Variants in KSR2 observed in about 807,000 individuals in gnomAD.
The protein encoded by KSR2 is kinase suppressor of ras 2.
A neutral mutation model predicts 107.8 loss-of-function variants in KSR2; 25 were observed. The observed-to-expected ratio is 0.23, with a 90% CI of 0.17 to 0.32. The LOEUF (loss-of-function observed/expected upper bound fraction) is 0.32, where lower values mean the gene tolerates loss of function less well. Ranked by LOEUF, KSR2 falls within the 10% of genes least tolerant of loss-of-function variation. The pLI is 1.00. For synonymous variants in KSR2, 480 were observed against 507.0 expected, an observed-to-expected ratio of 0.95 and a Z score of 0.71; for missense variants, 887 against 1,268.9, an observed-to-expected ratio of 0.70 and a Z score of 4.57.
chr12:117,773,822 G>A (rs1013185168), intron 3 of KSR2, among the ~76,000 whole-genome samples: 1 of 152,178 alleles, frequency 6.6e-6, no homozygotes, highest in South Asian at 2.1e-4. Context: ...CAGGAAAAGC[G>A]AAGTACAATA....
Position 117,848,834 on chromosome 12 carries a change from AGTGGTGG to A in KSR2, c.472+6587_472+6593del, listed in dbSNP as rs1892807370. On this transcript the variant is annotated intron_variant, in intron 3 of 19. Coordinates refer to ENST00000339824, the MANE Select transcript of KSR2 (RefSeq NM_173598.6). Reference sequence around the variant, plus strand: ...GATGGTGGTGGGTGGTGATGGTGGTAGTGGTGGTGATGGTGATGATGGTGATGATGGT... The same window carrying A: ...GATGGTGGTGGGTGGTGATGGTGGTATGATGGTGATGATGGTGATGATGGT... 1.3e-3 allele frequency among the ~76,000 whole-genome samples: 176 copies of A among 133,814 alleles called. 2 individuals are homozygous for A. The highest frequency in any genetic ancestry group is 2.1e-3 in the Non-Finnish European group (127 of 59,738). 87.8% of individuals were successfully genotyped at this position (133,814 alleles called of 152,430 possible).
chr12:117,839,124 T>C (rs990814329), intron 3 of KSR2, among the ~76,000 whole-genome samples: 11 of 152,230 alleles, frequency 7.2e-5, no homozygotes, highest in Admixed American at 2.0e-4. Flanking sequence ...ATCTCATTCC[T>C]GATACACAGA....
chr12:117,803,130 T>C (rs927974545), intron 3 of KSR2, among the ~76,000 whole-genome samples: 3 of 152,122 alleles, frequency 2.0e-5, no homozygotes, highest in Non-Finnish European at 2.9e-5. Flanking sequence ...GCCGAAACAA[T>C]GTACAGAGTT....
At chr12:117,664,724 T>C (rs960619238) in intron 5 of KSR2, among the ~76,000 whole-genome samples, 6 of 152,132 alleles carry the variant, frequency 3.9e-5, no homozygotes, top group East Asian at 1.9e-4. Context: ...ACTTGCCGCA[T>C]TGAAGTGATA....
intron 12 of KSR2, among the ~76,000 whole-genome samples, chr12:117,529,009 C>T (rs751721528): frequency 1.3e-4 from 20 of 152,122 alleles, no homozygotes; most frequent in Non-Finnish European, 2.5e-4. Context: ...AGCACCATAT[C>T]CCCCGGCAAG....
chr12:117,855,635 A>C (rs1300035542), intron 2 of KSR2, 57 bp from the exon 3 acceptor site: 2 of 1,567,470 alleles, frequency 1.3e-6, no homozygotes, highest in Non-Finnish European at 1.8e-6. Context: ...CTCTGCCTCC[A>C]CGCTGCCCTG....
At chr12:117,619,088 T>C (rs974494735) in intron 5 of KSR2, among the ~76,000 whole-genome samples, 3 of 152,124 alleles carry the variant, frequency 2.0e-5, no homozygotes, top group Non-Finnish European at 4.4e-5. Flanking sequence ...AGAAACCTTC[T>C]AGGAGACCTT....
rs1321012996 is a variant in KSR2, at chr12:117,463,646, T to G, written c.*3553A>C. On this transcript the variant is annotated 3_prime_UTR_variant, in exon 20 of 20. Transcript: ENST00000339824. Reference sequence around the variant, plus strand: ...TCAATTAAAACATGTAAAAACCATTTGGCAGGCTGGGTATGGCCTATGGGG... The same window carrying G: ...TCAATTAAAACATGTAAAAACCATTGGGCAGGCTGGGTATGGCCTATGGGG... The G allele has an allele frequency of 2.0e-5, 3 of 152,274 alleles. 1 individual carries two copies. Among genetic ancestry groups the G allele is most frequent in the Non-Finnish European group, 4.4e-5 (3 of 68,052 alleles). The allele number at this position is 152,274 out of a possible 1,614,324, so 9.4% of individuals were successfully genotyped here.
Position 117,559,566 on chromosome 12 carries a change from C to A in KSR2, c.1326-993G>T, listed in dbSNP as rs553629317. Among the ~76,000 whole-genome samples the A allele has an allele frequency of 3.3e-5, 5 of 152,238 alleles. No individual in the cohort carries two copies. In the South Asian group the frequency reaches 1.0e-3, roughly 32 times the overall value. On this transcript the variant is annotated intron_variant, in intron 7 of 19. Coordinates refer to ENST00000339824, the MANE Select transcript of KSR2 (RefSeq NM_173598.6). ...GTCAGGGGTCCCAAAGGTGGCCGCT[C>A]ATTTTTCTTAAAGCCTCACGCTGTA...
chr12:117,575,190 G>A (rs1280641643), intron 7 of KSR2, among the ~76,000 whole-genome samples: 1 of 152,188 alleles, frequency 6.6e-6, no homozygotes, highest in Non-Finnish European at 1.5e-5. Flanking sequence ...AACTAGGGAA[G>A]GGATTTTGTC....
At chr12:117,686,215 ATTTTTTTT>A (rs55772468) in intron 4 of KSR2, among the ~76,000 whole-genome samples, 11,875 of 78,040 alleles carry the variant, frequency 0.15, 984 homozygotes, top group South Asian at 0.3. Flanking sequence ...CACCCAGCTA[ATTTTTTTT>A]TTTTTTTTTT....
chr12:117,757,454 A>T (rs1352429181), intron 4 of KSR2, among the ~76,000 whole-genome samples: 5 of 152,274 alleles, frequency 3.3e-5, no homozygotes, highest in East Asian at 3.8e-4. Context: ...AACTTAGTTG[A>T]CAAAGCAGTG....
intron 6 of KSR2, 44 bp from the exon 7 acceptor site, chr12:117,579,246 G>A (rs766541402): frequency 4.4e-6 from 6 of 1,366,814 alleles, no homozygotes; most frequent in African/African-American, 1.4e-5. Flanking sequence ...AGGAAATGGC[G>A]ACTGACCTAT....
At chr12:117,643,735 G>C (rs1308124136) in intron 5 of KSR2, among the ~76,000 whole-genome samples, 2 of 152,044 alleles carry the variant, frequency 1.3e-5, no homozygotes. Flanking sequence ...CCGATTCTGG[G>C]CCCAGCCTCA....
In KSR2 at chr12:117,907,467, C is replaced by T. The variant is rs895483647; in HGVS notation, c.181-47036G>A. On this transcript the variant is annotated intron_variant, in intron 1 of 19. Transcript: ENST00000339824. The surrounding 1 kb of genome is among the most constrained non-coding windows in gnomAD (Gnocchi z 4.3). ...ATCTGGTTTCTAGGTGAAGGCACAA[C>T]AGCTGCACCCCTCTCCCAACACCAT... Among the ~76,000 whole-genome samples the T allele has an allele frequency of 3.3e-5, 5 of 152,188 alleles. No homozygotes were observed. The highest frequency in any genetic ancestry group is 9.7e-5 in the African/African-American group (4 of 41,448).
At chr12:117,941,040 G>A (rs144474170) in intron 1 of KSR2, among the ~76,000 whole-genome samples, 6 of 152,208 alleles carry the variant, frequency 3.9e-5, no homozygotes, top group Admixed American at 1.3e-4. Context: ...AGCCAAGATC[G>A]TGCCACTGCA....
chr12:117,659,474 A>G (rs1884330731), intron 5 of KSR2, among the ~76,000 whole-genome samples: 1 of 152,196 alleles, frequency 6.6e-6, no homozygotes, highest in Admixed American at 6.5e-5. Context: ...CCATACAGAC[A>G]AAAAGTGTCA....
chr12:117,540,265 A>G (rs7139108), intron 9 of KSR2, among the ~76,000 whole-genome samples: 1,562 of 152,294 alleles, frequency 0.01, 27 homozygotes, highest in African/African-American at 0.036. Context: ...TTATTAAAGA[A>G]TCAACAGTCT....
At chr12:117,553,722 G>A (rs887360799) in intron 9 of KSR2, among the ~76,000 whole-genome samples, 2 of 152,114 alleles carry the variant, frequency 1.3e-5, no homozygotes, top group Admixed American at 1.3e-4. Flanking sequence ...CCCTCAAGAA[G>A]AGTTTGATCC....
Sources: allele counts gnomAD v4.1 joint callset (sites outside exome capture counted in the v4.1 genomes callset), GRCh38; gene constraint gnomAD v4.1.1; non-coding constraint Gnocchi (gnomAD v3.1); transcripts MANE v1.5; gene names NCBI Gene and HGNC (gene_info 2026-07-23, HGNC 2026-07-21).